PLCH1: variants seen among roughly 807,000 people sequenced by gnomAD.
The protein encoded by PLCH1 is phospholipase C eta 1, also known as 1-phosphatidylinositol 4,5-bisphosphate phosphodiesterase eta-1.
A neutral mutation model predicts 126.7 loss-of-function variants in PLCH1; 60 were observed. That is an observed-to-expected ratio of 0.47 (90% CI 0.38 to 0.59). The LOEUF is 0.59. Ranked by LOEUF, PLCH1 falls within the 20% of genes least tolerant of loss-of-function variation. The pLI is 0.00. For synonymous variants in PLCH1, 719 were observed against 734.9 expected, an observed-to-expected ratio of 0.98 and a Z score of 0.35; for missense variants, 1,723 against 2,040.0, an observed-to-expected ratio of 0.84 and a Z score of 2.99.
chr3:155,627,404 G>A (rs893250183), intron 2 of PLCH1, among the ~76,000 whole-genome samples: 1 of 151,994 alleles, frequency 6.6e-6, no homozygotes, highest in South Asian at 2.1e-4. Context: ...GCCGAGGCAG[G>A]CCGATCACGA....
chr3:155,717,165 C>T (rs1458642740), intron 1 of PLCH1, among the ~76,000 whole-genome samples: 3 of 152,266 alleles, frequency 2.0e-5, no homozygotes, highest in Non-Finnish European at 4.4e-5. Flanking sequence ...AAGAAGTGGG[C>T]TCCCAAGACC....
chr3:155,666,806 T>C (rs1232711020), intron 2 of PLCH1, among the ~76,000 whole-genome samples: 1 of 152,064 alleles, frequency 6.6e-6, no homozygotes, highest in Admixed American at 6.6e-5. Flanking sequence ...AGGGTAAATA[T>C]ACAAGGAAGC....
chr3:155,620,572 T>C (rs562044174), intron 2 of PLCH1, among the ~76,000 whole-genome samples: 2 of 150,162 alleles, frequency 1.3e-5, no homozygotes, highest in Admixed American at 1.3e-4. Context: ...AGCAAAACTT[T>C]TGAGGGTAAA....
chr3:155,618,795 T>C (rs920524084), intron 2 of PLCH1, among the ~76,000 whole-genome samples: 3 of 152,134 alleles, frequency 2.0e-5, no homozygotes, highest in Admixed American at 2.0e-4. Context: ...GGGGAAGAAG[T>C]GCTGAACAAT....
intron 10 of PLCH1, among the ~76,000 whole-genome samples, chr3:155,524,692 T>C (rs1721669079): frequency 6.6e-6 from 1 of 152,060 alleles, no homozygotes; most frequent in Admixed American, 6.5e-5. Flanking sequence ...GTTTGAAAAA[T>C]CAAACCAGGC....
At position 155,483,822 on chromosome 3, in the gene PLCH1, G is replaced by T. The variant is rs115572257; in HGVS notation, c.2975-771C>A. ...CAGTAATTTGGGATAGCCCATCATG[G>T]TTAGTATACTGCTAGGAGAGTATGA... On this transcript the variant is annotated intron_variant, in intron 22 of 22. Transcript: ENST00000460012. Among the ~76,000 whole-genome samples, 633 of 152,230 alleles carry T rather than the reference G, an allele frequency of 4.2e-3. 3 individuals carry two copies. The highest frequency in any genetic ancestry group is 0.014 in the African/African-American group (602 of 41,544).
chr3:155,670,499 A>C (rs1743302195), intron 2 of PLCH1, among the ~76,000 whole-genome samples: 1 of 152,110 alleles, frequency 6.6e-6, no homozygotes, highest in South Asian at 2.1e-4. Flanking sequence ...ATAATCATTC[A>C]CCTTTCTTTA....
chr3:155,627,213 C>A (rs1386357677), intron 2 of PLCH1, among the ~76,000 whole-genome samples: 1 of 152,166 alleles, frequency 6.6e-6, no homozygotes, highest in Non-Finnish European at 1.5e-5. Context: ...GCATTTTGAC[C>A]TTGCAAGCAT....
intron 10 of PLCH1, among the ~76,000 whole-genome samples, chr3:155,549,022 A>G (rs975900650): frequency 1.3e-5 from 2 of 152,204 alleles, no homozygotes; most frequent in African/African-American, 2.4e-5. Flanking sequence ...TTTGAATTTT[A>G]ATACCCTATT....
chr3:155,457,044 G>C (rs920290350), intron 21 of PLCH1: 3 of 152,342 alleles, frequency 2.0e-5, no homozygotes, highest in African/African-American at 7.2e-5. Context: ...AGTCCCTGCT[G>C]ATCCAAACAC....
intron 2 of PLCH1, among the ~76,000 whole-genome samples, chr3:155,605,322 T>C (rs1734220582): frequency 6.6e-6 from 1 of 152,212 alleles, no homozygotes; most frequent in Non-Finnish European, 1.5e-5. Flanking sequence ...GAGTAAATTC[T>C]TGGGGATCAT....
At chr3:155,671,260 T>C (rs1320307853) in intron 2 of PLCH1, among the ~76,000 whole-genome samples, 1 of 152,206 alleles carries the variant, frequency 6.6e-6, no homozygotes, top group Non-Finnish European at 1.5e-5. Flanking sequence ...CACAGAGTTA[T>C]GATGAAGATT....
chr3:155,613,421 G>A (rs575830660), intron 2 of PLCH1, among the ~76,000 whole-genome samples: 29 of 151,996 alleles, frequency 1.9e-4, no homozygotes, highest in African/African-American at 6.3e-4. Flanking sequence ...CTAGCTAATC[G>A]AATCCAACAG....
chr3:155,492,722 A>G lies in PLCH1; in HGVS notation c.2307+7T>C. On this transcript the variant is annotated splice_region_variant and intron_variant, in intron 18 of 22. Coordinates refer to ENST00000460012, the MANE Select transcript of PLCH1 (RefSeq NM_014996.4). ...ACCACTTAGACACGTAGTCATAGGC[A>G]ACTTACCTCGCCTCGATCTCCAAAC... 1.3e-6 allele frequency: 2 copies of G among 1,562,586 alleles called. No homozygotes were observed. Among genetic ancestry groups the G allele is most frequent in the Non-Finnish European group, 8.6e-7 (1 of 1,158,006 alleles).
Position 155,625,056 on chromosome 3 carries a change from T to C in PLCH1, c.80-28678A>G, listed in dbSNP as rs563770401. Among the ~76,000 whole-genome samples, 5 of 152,136 alleles carry C rather than the reference T, an allele frequency of 3.3e-5. No homozygotes were observed. The East Asian group carries it at 9.7e-4, about 29-fold the overall frequency. ...GTACCAAAACAGATATATAGACCAATGGAACAGAATAGAGACCTCAGAAAT... is the reference window on the plus strand; with the variant it reads ...GTACCAAAACAGATATATAGACCAACGGAACAGAATAGAGACCTCAGAAAT... On this transcript the variant is annotated intron_variant, in intron 2 of 22. Coordinates refer to ENST00000460012, the MANE Select transcript of PLCH1 (RefSeq NM_014996.4).
rs529134460 is a variant in PLCH1, at chr3:155,649,523, G to C, written c.80-53145C>G. Among the ~76,000 whole-genome samples, 206 of 152,178 alleles carry C rather than the reference G, an allele frequency of 1.4e-3. 1 individual carries two copies. Among genetic ancestry groups the C allele is most frequent in the African/African-American group, 4.8e-3 (198 of 41,538 alleles). On this transcript the variant is annotated intron_variant, in intron 2 of 22. Coordinates refer to ENST00000460012, the MANE Select transcript of PLCH1 (RefSeq NM_014996.4). ...GCAGCCCTGCCATTGCAAGGGAGGGGTCTCACTTCTCCATCTTGTATTTCT... is the reference window on the plus strand; with the variant it reads ...GCAGCCCTGCCATTGCAAGGGAGGGCTCTCACTTCTCCATCTTGTATTTCT...
At chr3:155,690,262 A>G (rs1440339007) in intron 2 of PLCH1, among the ~76,000 whole-genome samples, 1 of 152,224 alleles carries the variant, frequency 6.6e-6, no homozygotes, top group Admixed American at 6.5e-5. Flanking sequence ...GAGTGGTTTT[A>G]CTCAGAGGTT....
At chr3:155,514,019 A>G (rs1719969091) in intron 12 of PLCH1, among the ~76,000 whole-genome samples, 1 of 152,174 alleles carries the variant, frequency 6.6e-6, no homozygotes, top group East Asian at 1.9e-4. Flanking sequence ...CGCAACCATC[A>G]TAGACAGGAG....
At chr3:155,460,642 G>A (rs1018253207) in intron 21 of PLCH1, among the ~76,000 whole-genome samples, 1 of 152,138 alleles carries the variant, frequency 6.6e-6, no homozygotes, top group Non-Finnish European at 1.5e-5. Context: ...ATGAACTGCA[G>A]AAATTAGTAC....
Sources: gnomAD v4.1 joint callset for allele counts (sites outside exome capture counted in the v4.1 genomes callset) on GRCh38, gnomAD v4.1.1 for gene constraint, MANE v1.5 for transcripts, NCBI Gene and HGNC (gene_info 2026-07-23, HGNC 2026-07-21) for gene names.